NKAIN2: variants seen among roughly 807,000 people sequenced by gnomAD.
NKAIN2 encodes sodium/potassium transporting ATPase interacting 2, also known as sodium/potassium-transporting ATPase subunit beta-1-interacting protein 2.
A neutral mutation model predicts 32.6 loss-of-function variants in NKAIN2; 14 were observed. That is an observed-to-expected ratio of 0.43 (90% CI 0.28 to 0.67). The LOEUF (loss-of-function observed/expected upper bound fraction) is 0.67. NKAIN2 is among the 30% of genes least tolerant of loss of function. The probability of loss-of-function intolerance (pLI) is 0.17; values close to 1 mark genes in which losing one functional copy is unlikely to be tolerated. For synonymous variants in NKAIN2, 80 were observed against 87.2 expected (o/e 0.92, Z 0.46); for missense variants, 198 against 258.3 (o/e 0.77, Z 1.60).
chr6:124,755,272 A>C (rs1459016487), intron 4 of NKAIN2, among the ~76,000 whole-genome samples: 1 of 152,058 alleles, frequency 6.6e-6, no homozygotes, highest in Admixed American at 6.6e-5. Flanking sequence ...AAGCCAAAGG[A>C]CTCAGCAAGC....
chr6:124,775,835 T>A (rs1583841586), intron 4 of NKAIN2, among the ~76,000 whole-genome samples: 1 of 151,580 alleles, frequency 6.6e-6, no homozygotes, highest in Non-Finnish European at 1.5e-5. Context: ...GAAATAATGA[T>A]TTTTTTTTCC....
At chr6:123,971,410 G>A (rs1041547336) in intron 1 of NKAIN2, among the ~76,000 whole-genome samples, 5 of 151,966 alleles carry the variant, frequency 3.3e-5, no homozygotes, top group Non-Finnish European at 7.4e-5. Flanking sequence ...GCTTCAAGGG[G>A]TTTTGTTCTT....
intron 1 of NKAIN2, among the ~76,000 whole-genome samples, chr6:124,050,738 G>A (rs1782364496): frequency 6.6e-6 from 1 of 151,990 alleles, no homozygotes; most frequent in Admixed American, 6.6e-5. Flanking sequence ...GGGACTGTTT[G>A]TTTACTTCAA....
chr6:124,208,891 A>G (rs886201135), intron 1 of NKAIN2, among the ~76,000 whole-genome samples: 1 of 151,724 alleles, frequency 6.6e-6, no homozygotes, highest in Non-Finnish European at 1.5e-5. Flanking sequence ...TGATGCAGGT[A>G]TAGAATGTGC....
chr6:124,688,033 A>C (rs2114528912), intron 4 of NKAIN2, among the ~76,000 whole-genome samples: 1 of 152,096 alleles, frequency 6.6e-6, no homozygotes. Context: ...ATTATTCATC[A>C]CAGGTCAATT....
At chr6:123,993,333 T>A (rs546441849) in intron 1 of NKAIN2, among the ~76,000 whole-genome samples, 1 of 152,286 alleles carries the variant, frequency 6.6e-6, no homozygotes, top group African/African-American at 2.4e-5. Context: ...CAAAATGATA[T>A]CAGCTTTTCA....
chr6:124,538,839 CT>C (rs1403680960), intron 3 of NKAIN2, among the ~76,000 whole-genome samples: 1 of 152,060 alleles, frequency 6.6e-6, no homozygotes, highest in Non-Finnish European at 1.5e-5. Flanking sequence ...ATTTTTTCCC[CT>C]TTTATTTAAT....
At chr6:124,572,733 G>T (rs1470721517) in intron 3 of NKAIN2, among the ~76,000 whole-genome samples, 1 of 151,980 alleles carries the variant, frequency 6.6e-6, no homozygotes, top group African/African-American at 2.4e-5. Context: ...TCAATATCAA[G>T]ATATTTTATA....
intron 3 of NKAIN2, among the ~76,000 whole-genome samples, chr6:124,535,500 A>T (rs1008595174): frequency 6.6e-6 from 1 of 152,216 alleles, no homozygotes; most frequent in Non-Finnish European, 1.5e-5. Flanking sequence ...TGAATTGTTT[A>T]TTGGGATGAA....
chr6:124,371,871 G>A (rs9491142), intron 3 of NKAIN2, among the ~76,000 whole-genome samples: 58,110 of 151,662 alleles, frequency 0.38, 11,829 homozygotes, highest in African/African-American at 0.54. Flanking sequence ...TATTTTCTCA[G>A]TGATTCCATT....
chr6:124,444,878 C>G (rs1775827450), intron 3 of NKAIN2, among the ~76,000 whole-genome samples: 1 of 151,732 alleles, frequency 6.6e-6, no homozygotes, highest in African/African-American at 2.4e-5. Flanking sequence ...CTCATGAATG[C>G]TTTTAAATAT....
intron 3 of NKAIN2, among the ~76,000 whole-genome samples, chr6:124,419,284 T>A (rs1774639973): frequency 6.6e-6 from 1 of 152,162 alleles, no homozygotes; most frequent in South Asian, 2.1e-4. Context: ...TCTCATGGTC[T>A]AGAAGCACTG....
At chr6:124,587,221 G>C (rs1781742137) in intron 3 of NKAIN2, among the ~76,000 whole-genome samples, 1 of 152,072 alleles carries the variant, frequency 6.6e-6, no homozygotes, top group African/African-American at 2.4e-5. Context: ...GTAAAGTAGA[G>C]GTAGGATCCA....
intron 1 of NKAIN2, among the ~76,000 whole-genome samples, chr6:124,097,197 C>CAG (rs1784680663): frequency 6.6e-6 from 1 of 151,910 alleles, no homozygotes; most frequent in African/African-American, 2.4e-5. Flanking sequence ...ATCACGAGGT[C>CAG]GAGACCATCA....
chr6:124,430,932 A>T (rs912126818), intron 3 of NKAIN2, among the ~76,000 whole-genome samples: 8 of 152,176 alleles, frequency 5.3e-5, no homozygotes, highest in Non-Finnish European at 8.8e-5. Context: ...GGGTGTCAGG[A>T]ATTTTCAGCA....
At chr6:124,422,865 G>C (rs1583228581) in intron 3 of NKAIN2, among the ~76,000 whole-genome samples, 1 of 152,308 alleles carries the variant, frequency 6.6e-6, no homozygotes, top group South Asian at 2.1e-4. Flanking sequence ...TTTGGGGACT[G>C]TTACAGTATT....
intron 1 of NKAIN2, among the ~76,000 whole-genome samples, chr6:123,883,597 T>A (rs552608452): frequency 1.3e-5 from 2 of 151,864 alleles, no homozygotes; most frequent in East Asian, 3.9e-4. Flanking sequence ...CCAGTCATGC[T>A]CCTTGTAAGC....
chr6:124,776,616 T>C (rs1778994207), intron 4 of NKAIN2, among the ~76,000 whole-genome samples: 1 of 152,204 alleles, frequency 6.6e-6, no homozygotes, highest in Admixed American at 6.5e-5. Context: ...GGTAGGGTTG[T>C]GCGTTTTATT....
At chr6:124,083,167 T>C (rs184676305) in intron 1 of NKAIN2, among the ~76,000 whole-genome samples, 8 of 152,084 alleles carry the variant, frequency 5.3e-5, no homozygotes, top group African/African-American at 9.6e-5. Context: ...AAATTATAAT[T>C]CAAATAAAAT....
Sources: allele counts gnomAD v4.1 joint callset (sites outside exome capture counted in the v4.1 genomes callset), GRCh38; gene constraint gnomAD v4.1.1; transcripts MANE v1.5; gene names NCBI Gene and HGNC (gene_info 2026-07-23, HGNC 2026-07-21).